SLC14A2: variants seen among roughly 807,000 people sequenced by gnomAD.
SLC14A2 encodes the protein urea transporter 2.
SLC14A2 carries 91 observed loss-of-function variants against 104.6 expected under a neutral mutation model. That is an observed-to-expected ratio of 0.87 (90% confidence interval 0.73 to 1.04). SLC14A2 has a LOEUF of 1.04. Ranked by LOEUF, SLC14A2 falls within the 50% of genes least tolerant of loss-of-function variation. The pLI, the probability that SLC14A2 is intolerant of heterozygous loss-of-function variation, is 0.00. For synonymous variants in SLC14A2, 476 were observed against 466.4 expected (o/e 1.02, Z -0.27); for missense variants, 1,189 against 1,156.0 (o/e 1.03, Z -0.41).
At chr18:45,314,031 C>G (rs2085104112) in intron 1 of SLC14A2, among the ~76,000 whole-genome samples, 2 of 152,204 alleles carry the variant, frequency 1.3e-5, no homozygotes. Context: ...CCTTATTTGT[C>G]TCTGTCTTTC....
chr18:45,219,304 C>T (rs1259255737), intron 1 of SLC14A2, among the ~76,000 whole-genome samples: 1 of 152,174 alleles, frequency 6.6e-6, no homozygotes, highest in Non-Finnish European at 1.5e-5. Context: ...TTGTGAAAGG[C>T]ATATAGCAAT....
At chr18:45,633,688 C>A (rs1414616743) in intron 5 of SLC14A2, among the ~76,000 whole-genome samples, 2 of 152,180 alleles carry the variant, frequency 1.3e-5, no homozygotes, top group Non-Finnish European at 2.9e-5. Context: ...AGCAATAAAT[C>A]AGACAGGATG....
chr18:45,301,855 T>G (rs1489906049), intron 1 of SLC14A2, among the ~76,000 whole-genome samples: 2 of 152,248 alleles, frequency 1.3e-5, no homozygotes, highest in Non-Finnish European at 2.9e-5. Flanking sequence ...TCCTTGAGTG[T>G]GCCATAAACA....
chr18:45,218,111 C>T (rs1298629039), intron 1 of SLC14A2, among the ~76,000 whole-genome samples: 3 of 152,140 alleles, frequency 2.0e-5, no homozygotes, highest in Non-Finnish European at 4.4e-5. Flanking sequence ...ACAGCCATTG[C>T]CCATCTACGT....
intron 2 of SLC14A2, among the ~76,000 whole-genome samples, chr18:45,603,053 T>C (rs8099556): frequency 0.5 from 76,443 of 151,948 alleles, 20,259 homozygotes; most frequent in East Asian, 0.85. Flanking sequence ...TTTTTTTCAC[T>C]GAATCTACTG....
intron 1 of SLC14A2, among the ~76,000 whole-genome samples, chr18:45,407,709 G>A (rs972407449): frequency 6.6e-6 from 1 of 152,098 alleles, no homozygotes. Flanking sequence ...TCCTTAATTG[G>A]CCTAATTTCA....
chr18:45,301,697 C>T (rs1451187281), intron 1 of SLC14A2, among the ~76,000 whole-genome samples: 1 of 152,154 alleles, frequency 6.6e-6, no homozygotes, highest in Non-Finnish European at 1.5e-5. Flanking sequence ...AAAGTAACAG[C>T]TTCGAAAAAA....
At chr18:45,298,054 C>T (rs1254447664) in intron 1 of SLC14A2, among the ~76,000 whole-genome samples, 1 of 152,210 alleles carries the variant, frequency 6.6e-6, no homozygotes, top group Non-Finnish European at 1.5e-5. Context: ...GACAAATTTA[C>T]TTCATCAAGC....
At position 45,241,700 on chromosome 18, in the gene SLC14A2, A is replaced by G. The variant is rs181707746; in HGVS notation, c.-125+28509A>G. ...CTCTTGTTGCCCAGGCTGGAATGCA[A>G]TGGCACAATCTCGGCTCACAGCAAC... On this transcript the variant is annotated intron_variant, in intron 1 of 20. Coordinates refer to the SLC14A2 transcript ENST00000586448. 2.8e-5 allele frequency among the ~76,000 whole-genome samples: 4 copies of G among 143,648 alleles called. No homozygotes were observed. The East Asian group carries it at 6.2e-4, about 22-fold the overall frequency. The allele number at this position is 143,648 out of a possible 152,430, so 94.2% of individuals were successfully genotyped here.
At chr18:45,554,376 A>C (rs901089311) in intron 2 of SLC14A2, among the ~76,000 whole-genome samples, 7 of 152,172 alleles carry the variant, frequency 4.6e-5, no homozygotes, top group Admixed American at 1.3e-4. Flanking sequence ...GGCAAGACCT[A>C]ATGCCAATTA....
intron 2 of SLC14A2, among the ~76,000 whole-genome samples, chr18:45,530,343 T>G (rs915360853): frequency 6.6e-6 from 1 of 152,214 alleles, no homozygotes; most frequent in Non-Finnish European, 1.5e-5. Flanking sequence ...TAAAATGAAA[T>G]GAAGGCTCTT....
intron 1 of SLC14A2, among the ~76,000 whole-genome samples, chr18:45,620,115 T>G (rs983535785): frequency 6.6e-6 from 1 of 152,144 alleles, no homozygotes; most frequent in African/African-American, 2.4e-5. Flanking sequence ...GAGTAAACAT[T>G]CCCGTGGCAA....
chr18:45,321,833 G>A (rs953264791), intron 1 of SLC14A2, among the ~76,000 whole-genome samples: 1 of 152,190 alleles, frequency 6.6e-6, no homozygotes, highest in Non-Finnish European at 1.5e-5. Context: ...GCTCCTAAAG[G>A]GCACCAGTCA....
intron 1 of SLC14A2, among the ~76,000 whole-genome samples, chr18:45,266,245 A>C (rs1289807062): frequency 6.6e-6 from 1 of 152,082 alleles, no homozygotes; most frequent in Non-Finnish European, 1.5e-5. Context: ...AGTCCCGACT[A>C]ATGAGCTAAG....
chr18:45,213,887 G>C (rs532136649), intron 1 of SLC14A2, among the ~76,000 whole-genome samples: 1 of 152,260 alleles, frequency 6.6e-6, no homozygotes, highest in Admixed American at 6.5e-5. Context: ...GCCCAGGGAC[G>C]TTTGGACTGA....
At chr18:45,483,823 C>CA (rs895317911) in intron 2 of SLC14A2, among the ~76,000 whole-genome samples, 59 of 152,248 alleles carry the variant, frequency 3.9e-4, no homozygotes, top group African/African-American at 1.4e-3. Flanking sequence ...ACTGTTTTGC[C>CA]AGGCATCGAT....
intron 2 of SLC14A2, among the ~76,000 whole-genome samples, chr18:45,518,721 G>A (rs1240938506): frequency 6.6e-6 from 1 of 152,178 alleles, no homozygotes; most frequent in African/African-American, 2.4e-5. Flanking sequence ...GAAAAAGACG[G>A]ATAATCTAGG....
chr18:45,176,666 C>T, the SLC14A2 span, among the ~76,000 whole-genome samples: 1 of 152,208 alleles, frequency 6.6e-6, no homozygotes, highest in African/African-American at 2.4e-5. Context: ...GCCCCCTCTT[C>T]CTGTGGCTGC....
chr18:45,610,873 C>T (rs2044961103), upstream of SLC14A2, among the ~76,000 whole-genome samples: 1 of 152,304 alleles, frequency 6.6e-6, no homozygotes, highest in South Asian at 2.1e-4. Flanking sequence ...GTCAGTCTTC[C>T]ACCAAGTCAG....
Sources: gnomAD v4.1 joint callset for allele counts (sites outside exome capture counted in the v4.1 genomes callset) on GRCh38, gnomAD v4.1.1 for gene constraint, MANE v1.5 for transcripts, NCBI Gene and HGNC (gene_info 2026-07-23, HGNC 2026-07-21) for gene names.